Variants in RBFOX1 observed in about 807,000 individuals in gnomAD.
RBFOX1 encodes the protein RNA binding fox-1 homolog 1, also known as RNA binding protein fox-1 homolog 1.
In RBFOX1, 8 loss-of-function variants were observed where a neutral mutation model predicts 57.7. That is an observed-to-expected ratio of 0.14 (90% CI 0.08 to 0.25). The LOEUF (loss-of-function observed/expected upper bound fraction) is 0.25, where lower values mean the gene tolerates loss of function less well. Among genes scored for constraint, RBFOX1 ranks in the 10% least tolerant of loss-of-function variants. The pLI is 1.00. For missense variants in RBFOX1, 611 were observed against 548.5 expected (o/e 1.11, Z -1.14); for synonymous variants, 326 against 222.4 (o/e 1.47, Z -4.15).
chr16:5,733,186 C>G (rs900251976), intron 3 of RBFOX1, among the ~76,000 whole-genome samples: 1 of 152,238 alleles, frequency 6.6e-6, no homozygotes, highest in Middle Eastern at 3.4e-3. Context: ...AACATTTCAC[C>G]AACTAGGAAA....
intron 2 of RBFOX1, among the ~76,000 whole-genome samples, chr16:5,473,798 G>C (rs2069223058): frequency 6.8e-6 from 1 of 148,048 alleles, no homozygotes; most frequent in South Asian, 2.2e-4. Context: ...TGAATTGAAA[G>C]AGGGAAGGTG....
chr16:6,100,338 AT>A (rs1426135078), intron 1 of RBFOX1, among the ~76,000 whole-genome samples: 1 of 152,040 alleles, frequency 6.6e-6, no homozygotes, highest in Non-Finnish European at 1.5e-5. Context: ...AATGTTTTGT[AT>A]TTTTAGTAGA....
chr16:5,929,050 A>AG (rs1417241666), intron 4 of RBFOX1, among the ~76,000 whole-genome samples: 21 of 151,846 alleles, frequency 1.4e-4, no homozygotes, highest in Non-Finnish European at 2.1e-4. Context: ...AAAAAAAAAA[A>AG]AGGAAAGAAA....
intron 3 of RBFOX1, among the ~76,000 whole-genome samples, chr16:6,754,856 C>T (rs561710509): frequency 1.3e-5 from 2 of 151,794 alleles, no homozygotes; most frequent in South Asian, 2.1e-4. Flanking sequence ...CCTCCCCTCT[C>T]CCCCCACCCC....
At position 6,144,503 on chromosome 16, in the gene RBFOX1, C is replaced by T. The variant is rs17139465; in HGVS notation, c.-127+124511C>T. On this transcript the variant is annotated intron_variant, in intron 1 of 15. Transcript: ENST00000550418. ...AAGTGGCTTCTAATTTGCACAAGAT[C>T]GGAATAGCATTGAAGAATTACAGTA... Among the ~76,000 whole-genome samples the T allele has an allele frequency of 5.5e-3, 839 of 152,248 alleles. 5 individuals carry two copies. The highest frequency in any genetic ancestry group is 0.018 in the African/African-American group (734 of 41,550).
At chr16:5,341,278 G>C (rs1859320701) in intron 1 of RBFOX1, among the ~76,000 whole-genome samples, 1 of 150,932 alleles carries the variant, frequency 6.6e-6, no homozygotes, top group Non-Finnish European at 1.5e-5. Flanking sequence ...GAAAATTTTG[G>C]GATAGGGAAT....
At chr16:6,613,694 A>G (rs2098102030) in intron 2 of RBFOX1, among the ~76,000 whole-genome samples, 2 of 152,186 alleles carry the variant, frequency 1.3e-5, no homozygotes, top group Admixed American at 6.5e-5. Flanking sequence ...AAAAAGGTAG[A>G]TAAGTACCAA....
intron 4 of RBFOX1, among the ~76,000 whole-genome samples, chr16:7,215,882 A>T (rs1053782377): frequency 6.6e-5 from 10 of 151,904 alleles, no homozygotes; most frequent in South Asian, 6.3e-4. Flanking sequence ...CTGCCACGGC[A>T]CCCGGCTAAT....
chr16:6,474,179 A>C (rs2095236530), intron 2 of RBFOX1, among the ~76,000 whole-genome samples: 1 of 152,160 alleles, frequency 6.6e-6, no homozygotes, highest in Non-Finnish European at 1.5e-5. Context: ...AAGGGAGGGA[A>C]AAGGATGGGG....
chr16:5,997,884 C>T (rs1243102710), intron 4 of RBFOX1, among the ~76,000 whole-genome samples: 1 of 152,006 alleles, frequency 6.6e-6, no homozygotes, highest in Non-Finnish European at 1.5e-5. Context: ...CAATCATTTG[C>T]TGATTTTCAA....
At chr16:6,328,710 G>C (rs1221279205) in intron 2 of RBFOX1, among the ~76,000 whole-genome samples, 2 of 151,806 alleles carry the variant, frequency 1.3e-5, no homozygotes, top group Non-Finnish European at 1.5e-5. Flanking sequence ...GGAAACCATA[G>C]GTCTCTTGTG....
At position 6,019,296 on chromosome 16, in the gene RBFOX1, G is replaced by A; in HGVS notation, c.-823G>A. 3.0e-6 allele frequency: 3 copies of A among 985,072 alleles called. No individual in the cohort carries two copies. The highest frequency in any genetic ancestry group is 3.6e-6 in the Non-Finnish European group (3 of 830,110). The allele number at this position is 985,072 out of a possible 1,614,324, so 61.0% of individuals were successfully genotyped here. A position where few individuals can be genotyped will look rare whatever the true frequency, so the allele number is the denominator to read the frequency against. ...GGTCTCCCGAGCGCGGGGTTTGAAG[G>A]TCACCTCCTTTCCAGTCCCCGTGCG... On this transcript the variant is annotated 5_prime_UTR_variant, in exon 1 of 16. Transcript: ENST00000550418. The surrounding 1 kb of genome is among the most constrained non-coding windows in gnomAD (Gnocchi z 4.2).
chr16:5,737,329 C>G (rs1265577848), intron 3 of RBFOX1, among the ~76,000 whole-genome samples: 1 of 151,874 alleles, frequency 6.6e-6, no homozygotes, highest in Non-Finnish European at 1.5e-5. Flanking sequence ...CCTAAAAGTA[C>G]AAAAAGTTAC....
chr16:5,441,472 C>T (rs1044599449), intron 1 of RBFOX1, among the ~76,000 whole-genome samples: 3 of 148,242 alleles, frequency 2.0e-5, no homozygotes, highest in Non-Finnish European at 4.4e-5. Context: ...TCAAGCTATT[C>T]TCCTGCCTCA....
chr16:6,645,662 A>T (rs1294892201), intron 2 of RBFOX1, among the ~76,000 whole-genome samples: 1 of 152,134 alleles, frequency 6.6e-6, no homozygotes, highest in African/African-American at 2.4e-5. Flanking sequence ...TGGAAGAGAA[A>T]ACTTTAAAAA....
chr16:6,910,077 G>A (rs926851109), intron 3 of RBFOX1, among the ~76,000 whole-genome samples: 3 of 152,030 alleles, frequency 2.0e-5, no homozygotes, highest in Admixed American at 6.6e-5. Flanking sequence ...GGGATATTGT[G>A]CCTGTACGTC....
At chr16:7,348,646 A>G (rs2097065715) in intron 4 of RBFOX1, among the ~76,000 whole-genome samples, 1 of 152,248 alleles carries the variant, frequency 6.6e-6, no homozygotes, top group African/African-American at 2.4e-5. Flanking sequence ...TATAGATTAC[A>G]GAATTACACA....
intron 1 of RBFOX1, among the ~76,000 whole-genome samples, chr16:5,368,049 A>G (rs936867209): frequency 7.2e-5 from 11 of 152,212 alleles, no homozygotes; most frequent in Admixed American, 3.9e-4. Context: ...CCATAGTTGG[A>G]GAGACCCACA....
intron 14 of RBFOX1, among the ~76,000 whole-genome samples, chr16:7,681,389 G>C (rs1399238275): frequency 6.6e-6 from 1 of 152,104 alleles, no homozygotes; most frequent in East Asian, 1.9e-4. Flanking sequence ...ACAAAAGATT[G>C]TACAAGCTGA....
Sources: gnomAD v4.1 joint callset for allele counts (sites outside exome capture counted in the v4.1 genomes callset) on GRCh38, gnomAD v4.1.1 for gene constraint, Gnocchi (gnomAD v3.1) non-coding constraint, MANE v1.5 for transcripts, NCBI Gene and HGNC (gene_info 2026-07-23, HGNC 2026-07-21) for gene names.